Variants in HMCN2 observed in about 807,000 individuals in gnomAD.
HMCN2 encodes hemicentin 2, also known as hemicentin-2.
In HMCN2, 325 loss-of-function variants were observed where a neutral mutation model predicts 377.5. That is an observed-to-expected ratio of 0.86 (90% confidence interval 0.79 to 0.94). The LOEUF (loss-of-function observed/expected upper bound fraction) is 0.94. Among genes scored for constraint, HMCN2 ranks in the 40% least tolerant of loss-of-function variants. The probability of loss-of-function intolerance (pLI) is 0.00; values close to 1 mark genes in which losing one functional copy is unlikely to be tolerated. For missense variants in HMCN2, 4,543 were observed against 4,725.3 expected, an observed-to-expected ratio of 0.96 and a Z score of 1.13; for synonymous variants, 2,007 against 2,046.8, an observed-to-expected ratio of 0.98 and a Z score of 0.53.
At chr9:130,363,365 G>A (rs1840489799) in intron 40 of HMCN2, among the ~76,000 whole-genome samples, 2 of 152,184 alleles carry the variant, frequency 1.3e-5, no homozygotes, top group Non-Finnish European at 2.9e-5. Context: ...TGCTTCTCTC[G>A]GCCACCATTT....
chr9:130,432,683 TG>T, intron 97 of HMCN2, 128 bp downstream of exon 97: 3 of 1,036,854 alleles, frequency 2.9e-6, no homozygotes, highest in South Asian at 1.6e-5. Flanking sequence ...CACGGAGCCC[TG>T]GGGGCAGGGA....
chr9:130,431,349 C>A lies in HMCN2; in HGVS notation c.14648-18C>A, dbSNP rs1340408716. ...CTGCCCCCATCCCCCACCTGCCCCA[C>A]CCCCATGCCCGGGCCAGACCTTGAC... On this transcript the variant is annotated intron_variant, in intron 95 of 97. Coordinates refer to ENST00000683500, the MANE Select transcript of HMCN2 (RefSeq NM_001291815.2). 3.2e-6 allele frequency: 5 copies of A among 1,547,076 alleles called. No homozygotes were observed. In the Admixed American group the frequency reaches 9.8e-5, roughly 30 times the overall value.
intron 22 of HMCN2, among the ~76,000 whole-genome samples, chr9:130,331,022 G>A (rs1838397820): frequency 6.8e-6 from 1 of 147,828 alleles, no homozygotes; most frequent in African/African-American, 2.5e-5. Context: ...GCCGGACGTG[G>A]TGGTGCGCGC....
In HMCN2 at chr9:130,353,150, C is replaced by T. The variant is rs1396084244; in HGVS notation, c.4809C>T (p.Cys1603=). 10 of 1,304,060 alleles carry T rather than the reference C, an allele frequency of 7.7e-6. No homozygotes were observed. The highest frequency in any genetic ancestry group is 1.5e-5 in the African/African-American group (1 of 65,886). 80.8% of individuals were successfully genotyped at this position (1,304,060 alleles called of 1,614,324 possible). A position where few individuals can be genotyped will look rare whatever the true frequency, so the allele number is the denominator to read the frequency against. ...AQSSDAGVYT[C]KASNAVGAAE... ...GCTCCGATGCCGGCGTCTACACCTGCAAGGCCAGCAATGCTGTGGGGGCCG... is the reference window on the plus strand; with the variant it reads ...GCTCCGATGCCGGCGTCTACACCTGTAAGGCCAGCAATGCTGTGGGGGCCG... Residue 1603 remains cysteine (C), a synonymous_variant, in exon 31 of 98, where the codon TGC becomes TGT. Coordinates refer to ENST00000683500, the MANE Select transcript of HMCN2 (RefSeq NM_001291815.2).
chr9:130,313,849 G>A (rs1837403965), intron 15 of HMCN2, among the ~76,000 whole-genome samples: 1 of 135,062 alleles, frequency 7.4e-6, no homozygotes, highest in African/African-American at 2.9e-5. Flanking sequence ...GCACGATCTT[G>A]GCTCACTGTA....
chr9:130,330,968 AACACACACAC>A (rs1173053980), intron 22 of HMCN2, among the ~76,000 whole-genome samples: 52 of 131,504 alleles, frequency 4.0e-4, no homozygotes, highest in Admixed American at 9.9e-4. Context: ...TCTCTACTGA[AACACACACAC>A]ACACACACAC....
intron 83 of HMCN2, among the ~76,000 whole-genome samples, chr9:130,407,956 A>C (rs1588413882): frequency 1.3e-5 from 2 of 152,212 alleles, no homozygotes; most frequent in Non-Finnish European, 2.9e-5. Flanking sequence ...CCCTGGCTGC[A>C]GGTAGAATTG....
intron 1 of HMCN2, among the ~76,000 whole-genome samples, chr9:130,267,533 C>T (rs558121748): frequency 2.0e-5 from 3 of 152,056 alleles, no homozygotes; most frequent in South Asian, 2.1e-4. Context: ...AAGAAATAGA[C>T]GGTGGCCATT....
intron 93 of HMCN2, 35 bp from the exon 94 acceptor site, chr9:130,429,522 A>T (rs1044394538): frequency 2.6e-5 from 40 of 1,548,944 alleles, no homozygotes; most frequent in Non-Finnish European, 3.3e-5. Flanking sequence ...CCTGGGCTAG[A>T]CCTCCCCACC....
chr9:130,429,871 A>T, intron 94 of HMCN2, 186 bp downstream of exon 94: 1 of 1,143,174 alleles, frequency 8.7e-7, no homozygotes, highest in Non-Finnish European at 1.2e-6. Context: ...ACAGCAGCCG[A>T]CACTTTGCAC....
At chr9:130,362,820 C>T in intron 39 of HMCN2, 47 bp from the exon 40 acceptor site, 1 of 985,822 alleles carries the variant, frequency 1.0e-6, no homozygotes, top group Non-Finnish European at 1.2e-6. Flanking sequence ...TTGGGGCCTG[C>T]AACAGCAGGA....
At chr9:130,376,053 A>G in intron 51 of HMCN2, 64 bp downstream of exon 51, 7 of 652,938 alleles carry the variant, frequency 1.1e-5, no homozygotes, top group African/African-American at 2.0e-5. Context: ...CTAGGGGCCC[A>G]GGCACCTGAG....
Position 130,382,228 on chromosome 9 carries a change from G to A in HMCN2, c.8476G>A (p.Gly2826Arg), listed in dbSNP as rs1028908343. The A allele has an allele frequency of 9.1e-6, 9 of 985,710 alleles. No individual in the cohort carries two copies. In the East Asian group the frequency reaches 5.7e-4, roughly 62 times the overall value. The allele number at this position is 985,710 out of a possible 1,614,324, so 61.1% of individuals were successfully genotyped here. A position where few individuals can be genotyped will look rare whatever the true frequency, so the allele number is the denominator to read the frequency against. ...QIPLVRAENA[G>R]RYSCKASNEV... ...CCCCCTGGTGCGGGCAGAGAACGCC[G>A]GGAGGTACTCGTGCAAGGCCTCCAA... Residue 2826 changes from glycine (G) to arginine (R), a missense_variant, in exon 55 of 98, where the codon GGG becomes AGG. Physicochemically the swap from Gly to Arg is moderately radical, Grantham distance 125 (BLOSUM62 -2). Transcript: ENST00000683500.
intron 22 of HMCN2, among the ~76,000 whole-genome samples, chr9:130,333,330 G>A (rs916976224): frequency 1.1e-4 from 17 of 152,178 alleles, no homozygotes; most frequent in Non-Finnish European, 1.3e-4. Context: ...CAGCAAAGGT[G>A]TGTGCCGGGG....
intron 90 of HMCN2, among the ~76,000 whole-genome samples, chr9:130,426,532 G>A (rs34369402): frequency 0.26 from 40,256 of 152,012 alleles, 6,210 homozygotes; most frequent in Middle Eastern, 0.43. Context: ...CATCTGCACC[G>A]CGGGCATGAC....
At chr9:130,329,252 G>C (rs964462285) in intron 22 of HMCN2, among the ~76,000 whole-genome samples, 1 of 152,244 alleles carries the variant, frequency 6.6e-6, no homozygotes, top group East Asian at 1.9e-4. Context: ...GGGGCCTTTC[G>C]TGTCTGGCTT....
intron 54 of HMCN2, among the ~76,000 whole-genome samples, chr9:130,381,427 G>C (rs955952313): frequency 3.4e-4 from 52 of 152,136 alleles, no homozygotes; most frequent in African/African-American, 1.2e-3. Flanking sequence ...CTACAGTGCA[G>C]TGGCAGTCTT....
chr9:130,293,278 A>ATTTTTTTTTTTTTTT (rs1554930691), intron 4 of HMCN2, among the ~76,000 whole-genome samples: 44 of 29,976 alleles, frequency 1.5e-3, no homozygotes, highest in African/African-American at 3.4e-3. Flanking sequence ...TACTCACTAA[A>ATTTTTTTTTTTTTTT]GTTTTTTTTT....
chr9:130,327,591 T>G (rs1838209820), intron 22 of HMCN2, 116 bp downstream of exon 22: 3 of 150,172 alleles, frequency 2.0e-5, no homozygotes, highest in African/African-American at 7.6e-5. Context: ...CATAGGGTGC[T>G]GCTCCTGGGC....
Sources: allele counts gnomAD v4.1 joint callset (sites outside exome capture counted in the v4.1 genomes callset), GRCh38; gene constraint gnomAD v4.1.1; transcripts MANE v1.5; gene names NCBI Gene and HGNC (gene_info 2026-07-23, HGNC 2026-07-21).